Variants in MVB12A observed in about 807,000 individuals in gnomAD.
MVB12A encodes CIN85/CD2AP family binding protein.
MVB12A carries 30 observed loss-of-function variants against 34.3 expected under a neutral mutation model. That is an observed-to-expected ratio of 0.88 (90% CI 0.65 to 1.19). The LOEUF (loss-of-function observed/expected upper bound fraction) is 1.19, where lower values mean the gene tolerates loss of function less well. Ranked by LOEUF, MVB12A falls within the 50% of genes most tolerant of loss-of-function variation. The pLI is 0.00. For missense variants in MVB12A, 355 were observed against 369.2 expected (o/e 0.96, Z 0.31); for synonymous variants, 158 against 158.9 (o/e 0.99, Z 0.04).
rs556493195 is a variant in MVB12A, at chr19:17,423,557, A to T, written c.473A>T (p.Lys158Met). ...GCCAAGGCCCCGAGGCCAGTGCCCAAGCCCCGAGGTCTCAGCCGGGACATG... is the reference window on the plus strand; with the variant it reads ...GCCAAGGCCCCGAGGCCAGTGCCCATGCCCCGAGGTCTCAGCCGGGACATG... ...KKAKAPRPVP[K>M]PRGLSRDMQG... Residue 158 changes from lysine (K) to methionine (M), a missense_variant, in exon 5 of 9, where the codon AAG (lysine) becomes ATG (methionine). By Grantham distance (95) the Lys-to-Met change is moderately conservative. Coordinates refer to ENST00000317040, the MANE Select transcript of MVB12A (RefSeq NM_138401.4). 1.9e-6 allele frequency: 3 copies of T among 1,614,048 alleles called. No homozygotes were observed. In the Admixed American group the frequency reaches 5.0e-5, roughly 27 times the overall value.
chr19:17,417,226 T>TTTA (rs2074806398), upstream of MVB12A: 1 of 180,706 alleles, frequency 5.5e-6, no homozygotes, highest in Non-Finnish European at 1.1e-5. Context: ...TTTTTTTTTT[T>TTTA]TTTTTTTTTT....
intron 2 of MVB12A, among the ~76,000 whole-genome samples, chr19:17,411,618 G>A (rs1035305016): frequency 3.3e-5 from 5 of 151,768 alleles, no homozygotes; most frequent in African/African-American, 1.2e-4. Context: ...TCAGCCTCCT[G>A]AGTAGCTGGG....
chr19:17,422,722 G>A (rs372162395), intron 4 of MVB12A: 1 of 213,234 alleles, frequency 4.7e-6, no homozygotes, highest in Non-Finnish European at 9.3e-6. Context: ...AGGCTGAGGC[G>A]GGCCGATCAC....
chr19:17,425,037 C>T lies in MVB12A; in HGVS notation c.*44C>T. On this transcript the variant is annotated 3_prime_UTR_variant, in exon 9 of 9. Transcript: ENST00000317040. ...AAAGAGCCCCCTTACTCCACCTCCC[C>T]GCCAGCCTGGGGCCACCCCCCCTCA... 4.1e-6 allele frequency: 5 copies of T among 1,204,914 alleles called. No individual in the cohort carries two copies. In the South Asian group the frequency reaches 5.4e-5, roughly 13 times the overall value. The allele number at this position is 1,204,914 out of a possible 1,614,324, so 74.6% of individuals were successfully genotyped here. A position where few individuals can be genotyped will look rare whatever the true frequency, so the allele number is the denominator to read the frequency against.
chr19:17,407,859 G>A lies in MVB12A; in HGVS notation c.-5+1563G>A, dbSNP rs991536164. On this transcript the variant is annotated intron_variant, in intron 2 of 6. Coordinates refer to the MVB12A transcript ENST00000528604. ...TGCTAAGTAGTGGGTGTTGTTCCTTGACACTTTTCGCTACCGCTAGACCAC... is the reference window on the plus strand; with the variant it reads ...TGCTAAGTAGTGGGTGTTGTTCCTTAACACTTTTCGCTACCGCTAGACCAC... 2.8e-4 allele frequency among the ~76,000 whole-genome samples: 43 copies of A among 152,210 alleles called. 1 individual carries two copies. Among genetic ancestry groups the A allele is most frequent in the Non-Finnish European group, 1.5e-5 (1 of 68,024 alleles).
intron 6 of MVB12A, 27 bp downstream of exon 6, chr19:17,423,826 C>G (rs553623145): frequency 6.2e-7 from 1 of 1,603,034 alleles, no homozygotes; most frequent in Admixed American, 1.7e-5. Flanking sequence ...GAAACTGAGG[C>G]GTGGAAGTGG....
At position 17,424,140 on chromosome 19, in the gene MVB12A, C is replaced by G. The variant is rs1180673747; in HGVS notation, c.702+73C>G. ...TCTGGGTGCCAGGACATCCCTGTATCCAGTGCCCCAGCACAGAGGGCCACA... is the reference window on the plus strand; with the variant it reads ...TCTGGGTGCCAGGACATCCCTGTATGCAGTGCCCCAGCACAGAGGGCCACA... On this transcript the variant is annotated intron_variant, in intron 7 of 8. Coordinates refer to ENST00000317040, the MANE Select transcript of MVB12A (RefSeq NM_138401.4). 8.4e-6 allele frequency: 12 copies of G among 1,435,550 alleles called. No homozygotes were observed. In the African/African-American group the frequency reaches 1.7e-4, roughly 20 times the overall value. 88.9% of individuals were successfully genotyped at this position (1,435,550 alleles called of 1,614,324 possible). A position where few individuals can be genotyped will look rare whatever the true frequency, so the allele number is the denominator to read the frequency against.
rs1003291164 is a variant in MVB12A at position 17,420,202 on chromosome 19, C to T, written c.67C>T (p.Pro23Ser). The change falls in exon 1 of 9, where the codon CCC becomes TCC. Residue 23 changes from proline to serine, a missense_variant. Coordinates refer to ENST00000317040, the MANE Select transcript of MVB12A (RefSeq NM_138401.4). ...AGLAWSSASA[P>S]PPRGFSAISC... ...CCTGGCCTGGTCGTCGGCCTCTGCA[C>T]CCCCGCCGCGGGGGTTCAGCGCGGT... is the stretch of plus-strand genomic sequence containing the variant. 2.0e-6 allele frequency: 3 copies of T among 1,469,206 alleles called. No individual in the cohort carries two copies. Among genetic ancestry groups the T allele is most frequent in the Non-Finnish European group, 2.7e-6 (3 of 1,117,502 alleles). 91.0% of individuals were successfully genotyped at this position (1,469,206 alleles called of 1,614,324 possible).
chr19:17,412,933 A>G (rs1218288537), intron 2 of MVB12A, among the ~76,000 whole-genome samples: 2 of 152,186 alleles, frequency 1.3e-5, no homozygotes, highest in Non-Finnish European at 2.9e-5. Flanking sequence ...TCCGTGGACA[A>G]GGGGTCACAT....
intron 2 of MVB12A, among the ~76,000 whole-genome samples, chr19:17,407,243 T>C (rs2074734427): frequency 6.6e-6 from 1 of 152,156 alleles, no homozygotes; most frequent in Non-Finnish European, 1.5e-5. Context: ...AAAATTACTG[T>C]AGGGACCAGC....
In MVB12A at chr19:17,425,002, C is replaced by T. The variant is rs779851309; in HGVS notation, c.*9C>T. The T allele has an allele frequency of 1.3e-5, 21 of 1,587,856 alleles. No individual in the cohort carries two copies. The highest frequency in any genetic ancestry group is 3.5e-5 in the Admixed American group (2 of 56,876). ...CCCCCAGCGTCTCATAGTCCCTCACCCTTCCGCGGAAAGAGCCCCCTTACT... is the reference window on the plus strand; with the variant it reads ...CCCCCAGCGTCTCATAGTCCCTCACTCTTCCGCGGAAAGAGCCCCCTTACT... On this transcript the variant is annotated 3_prime_UTR_variant, in exon 9 of 9. Transcript: ENST00000317040.
Position 17,423,804 on chromosome 19 carries a change from GCA to G in MVB12A, c.640+8_640+9del, listed in dbSNP as rs766523074. ...CCAGCCTCTATGGCATCTCAGGTGA[GCA>G]CAGAGTGGGGAAACTGAGGCGTGGA... On this transcript the variant is annotated splice_donor_region_variant and intron_variant, in intron 6 of 8. Transcript: ENST00000317040. 3 of 1,612,962 alleles carry G rather than the reference GCA, an allele frequency of 1.9e-6. No individual in the cohort carries two copies. The highest frequency in any genetic ancestry group is 2.5e-6 in the Non-Finnish European group (3 of 1,179,084).
chr19:17,420,312 G>C lies in MVB12A; in HGVS notation c.91-1G>C, dbSNP rs1599606416. ...GGCGCTGACCCGCGTCCTCCCGGTA[G>C]ATCTCCTGCACCGTCGAGGGGGCAC... On this transcript the variant is annotated splice_acceptor_variant, in intron 1 of 8. Coordinates refer to ENST00000317040, the MANE Select transcript of MVB12A (RefSeq NM_138401.4). LOFTEE classifies it high-confidence loss of function. 6.3e-7 allele frequency: 1 copy of C among 1,593,592 alleles called. No homozygotes were observed. The highest frequency in any genetic ancestry group is 2.3e-5 in the East Asian group (1 of 44,184).
At chr19:17,410,491 T>G (rs2074757268) in intron 2 of MVB12A, among the ~76,000 whole-genome samples, 1 of 82,660 alleles carries the variant, frequency 1.2e-5, no homozygotes, top group African/African-American at 4.8e-5. Flanking sequence ...CTTTTGGTTT[T>G]AGCTTCATAT....
intron 2 of MVB12A, among the ~76,000 whole-genome samples, chr19:17,408,326 A>G (rs965628354): frequency 6.6e-6 from 1 of 151,764 alleles, no homozygotes; most frequent in Non-Finnish European, 1.5e-5. Context: ...AGATTGCTTG[A>G]GGCCAGTAGT....
At chr19:17,412,049 T>A (rs1056490176) in intron 2 of MVB12A, among the ~76,000 whole-genome samples, 1 of 152,138 alleles carries the variant, frequency 6.6e-6, no homozygotes, top group Non-Finnish European at 1.5e-5. Flanking sequence ...TCTAGGGATG[T>A]AGGCCAGGGA....
upstream of MVB12A, chr19:17,417,213 C>CTTTGTTTTTTTTT (rs2074805903): frequency 1.0e-5 from 1 of 96,548 alleles, no homozygotes; most frequent in Non-Finnish European, 1.9e-5. Context: ...TCACCCAGAG[C>CTTTGTTTTTTTTT]TTTTTTTTTT....
At chr19:17,418,376 A>ATATTATTATTATTATTATTAT (rs35626056), upstream of MVB12A, 1 of 141,154 alleles carries the variant, frequency 7.1e-6, no homozygotes, top group Non-Finnish European at 1.5e-5. Context: ...GTAAAAAAGC[A>ATATTATTATTATTATTATTAT]TATTATTATT....
chr19:17,424,186 G>A, intron 7 of MVB12A, 119 bp downstream of exon 7: 1 of 977,224 alleles, frequency 1.0e-6, no homozygotes, highest in South Asian at 1.4e-5. Context: ...GGGCTGGAGT[G>A]TGTCACCTCC....
Sources: gnomAD v4.1 joint callset for allele counts (sites outside exome capture counted in the v4.1 genomes callset) on GRCh38, gnomAD v4.1.1 for gene constraint, MANE v1.5 for transcripts, NCBI Gene and HGNC (gene_info 2026-07-23, HGNC 2026-07-21) for gene names.